ANGPTL1: variants seen among roughly 807,000 people sequenced by gnomAD.
ANGPTL1 encodes the protein angiopoietin like 1, also known as angiopoietin-related protein 1.
ANGPTL1 carries 36 observed loss-of-function variants against 46.7 expected under a neutral mutation model. The ratio of observed to expected loss-of-function variants is 0.77; its 90% CI spans 0.59 to 1.02. ANGPTL1 has a LOEUF of 1.02. ANGPTL1 is among the 50% of genes least tolerant of loss of function. ANGPTL1 has a pLI of 0.00. For missense variants in ANGPTL1, 571 were observed against 594.7 expected (o/e 0.96, Z 0.41); for synonymous variants, 221 against 204.3 (o/e 1.08, Z -0.69).
intron 3 of ANGPTL1, among the ~76,000 whole-genome samples, chr1:178,855,875 T>C (rs1657499419): frequency 6.6e-6 from 1 of 150,966 alleles, no homozygotes; most frequent in Admixed American, 6.6e-5. Context: ...TATCTGCCTA[T>C]TGAGATGATG....
intron 5 of ANGPTL1, among the ~76,000 whole-genome samples, chr1:178,852,420 G>C (rs1183242182): frequency 1.3e-5 from 2 of 152,148 alleles, no homozygotes; most frequent in Non-Finnish European, 2.9e-5. Context: ...GTAGGCACTT[G>C]CATTTTATTT....
At chr1:178,865,912 G>T (rs1658375562) in intron 2 of ANGPTL1, 110 bp from the exon 3 acceptor site, 4 of 615,204 alleles carry the variant, frequency 6.5e-6, no homozygotes, top group Non-Finnish European at 1.1e-5. Flanking sequence ...AATATTTATT[G>T]GTGTTAATAG....
In ANGPTL1 at chr1:178,850,898, G is replaced by A; in HGVS notation, c.*231C>T. On this transcript the variant is annotated 3_prime_UTR_variant, in exon 6 of 6. Coordinates refer to ENST00000234816, the MANE Select transcript of ANGPTL1 (RefSeq NM_004673.4). ...TTTTAGAAAACAAACTTTGTATTTA[G>A]TCAACATAATTTTTAAAATAACTAG... 1.1e-5 allele frequency: 4 copies of A among 367,686 alleles called. No homozygotes were observed. Among genetic ancestry groups the A allele is most frequent in the Non-Finnish European group, 1.9e-5 (4 of 208,292 alleles). The allele number at this position is 367,686 out of a possible 1,614,324, so 22.8% of individuals were successfully genotyped here.
At chr1:178,852,480 G>T (rs1481966116) in intron 5 of ANGPTL1, among the ~76,000 whole-genome samples, 1 of 152,018 alleles carries the variant, frequency 6.6e-6, no homozygotes, top group African/African-American at 2.4e-5. Context: ...CCAGAACTTT[G>T]TTTTTCACAT....
Position 178,852,753 on chromosome 1 carries a change from T to G in ANGPTL1, c.1218A>C (p.Ala406=). 6.2e-7 allele frequency: 1 copy of G among 1,613,962 alleles called. No homozygotes were observed. Among genetic ancestry groups the G allele is most frequent in the South Asian group, 1.1e-5 (1 of 91,080 alleles). Residue 406 remains alanine, a synonymous_variant, in exon 5 of 6, where the codon GCA becomes GCC. Transcript: ENST00000234816. ...CATTATGCCACATCATAGAATCCCC[T>G]GCATTTCCCTGGTAAGTTCCCAGGC... ...RLRLGTYQGN[A]GDSMMWHNGK...
chr1:178,854,070 A>C (rs1411887138), intron 3 of ANGPTL1, among the ~76,000 whole-genome samples: 1 of 152,102 alleles, frequency 6.6e-6, no homozygotes, highest in African/African-American at 2.4e-5. Context: ...TAACATTTTC[A>C]TGCAGCTATA....
chr1:178,856,394 ATTTTTTTTTTTTTTT>A (rs71108081), intron 3 of ANGPTL1, among the ~76,000 whole-genome samples: 8 of 36,432 alleles, frequency 2.2e-4, no homozygotes, highest in Admixed American at 6.3e-4. Context: ...TGCCTGGCTA[ATTTTTTTTTTTTTTT>A]TTTTTTTTTT....
rs1205170786 is a variant in ANGPTL1 at position 178,851,298 on chromosome 1, T to C, written c.1307A>G (p.His436Arg). Residue 436 changes from histidine to arginine, a missense_variant, in exon 6 of 6, where the codon CAT (histidine) becomes CGT (arginine). Coordinates refer to ENST00000234816, the MANE Select transcript of ANGPTL1 (RefSeq NM_004673.4). Reference protein sequence around the residue: ...DMYAGNCAHFHKGGWWYNACA... With the variant: ...DMYAGNCAHFRKGGWWYNACA... ...GGCATTGTACCACCAGCCTCCTTTA[T>C]GAAAGTGGGCGCAGTTTCCTTTGAG... 1 of 1,611,224 alleles carries C rather than the reference T, an allele frequency of 6.2e-7. No individual in the cohort carries two copies. The highest frequency in any genetic ancestry group is 8.5e-7 in the Non-Finnish European group (1 of 1,179,096).
intron 4 of ANGPTL1, 141 bp downstream of exon 4, chr1:178,853,453 T>C: frequency 1.3e-6 from 1 of 777,396 alleles, no homozygotes; most frequent in Non-Finnish European, 1.8e-6. Context: ...GAATCATTTT[T>C]TTGACAGATG....
In ANGPTL1 at chr1:178,851,327, A is replaced by G. The variant is rs1657160829; in HGVS notation, c.1289-11T>C. The G allele has an allele frequency of 6.2e-7, 1 of 1,600,100 alleles. No individual in the cohort carries two copies. The highest frequency in any genetic ancestry group is 1.7e-5 in the Admixed American group (1 of 57,754). On this transcript the variant is annotated splice_polypyrimidine_tract_variant and intron_variant, in intron 5 of 5. Coordinates refer to ENST00000234816, the MANE Select transcript of ANGPTL1 (RefSeq NM_004673.4). ...AGTGGGCGCAGTTTCCTTTGAGGAA[A>G]AAATACAGATATAAATGTAAAAGTT...
At chr1:178,852,982 A>T (rs766524285) in intron 4 of ANGPTL1, 29 bp from the exon 5 acceptor site, 1 of 1,581,006 alleles carries the variant, frequency 6.3e-7, no homozygotes, top group South Asian at 1.2e-5. Context: ...ACATGAGTGC[A>T]TAAATAAGTA....
intron 3 of ANGPTL1, among the ~76,000 whole-genome samples, chr1:178,856,234 T>TATATATATATACAC (rs1368301659): frequency 3.1e-5 from 4 of 128,784 alleles, no homozygotes; most frequent in African/African-American, 9.4e-5. Context: ...TATATATATA[T>TATATATATATACAC]GGTTTTGGGT....
intron 2 of ANGPTL1, among the ~76,000 whole-genome samples, chr1:178,867,854 CTT>C (rs1250787519): frequency 6.6e-6 from 1 of 151,786 alleles, no homozygotes; most frequent in Admixed American, 6.6e-5. Context: ...AAATATAACT[CTT>C]ATGCTGTCGT....
intron 2 of ANGPTL1, among the ~76,000 whole-genome samples, chr1:178,867,000 C>T (rs936731714): frequency 6.6e-6 from 1 of 152,082 alleles, no homozygotes; most frequent in Non-Finnish European, 1.5e-5. Flanking sequence ...TTACAGGCCA[C>T]CTTTTCACTC....
chr1:178,869,432 A>T (rs1305778253), intron 1 of ANGPTL1, among the ~76,000 whole-genome samples: 1 of 152,132 alleles, frequency 6.6e-6, no homozygotes, highest in Non-Finnish European at 1.5e-5. Flanking sequence ...TCCCCTGGAT[A>T]TATTTAAGAA....
chr1:178,853,644 T>G lies in ANGPTL1; in HGVS notation c.967A>C (p.Lys323Gln). ...LDPGGWTVIQKRTDGSVNFFR... is the reference protein window; with the variant it reads ...LDPGGWTVIQQRTDGSVNFFR... Reference sequence around the variant, plus strand: ...AAGTTGACAGAGCCGTCTGTTCTTTTCTGAATAACAGTCCAACCCCCAGGG... The same window carrying G: ...AAGTTGACAGAGCCGTCTGTTCTTTGCTGAATAACAGTCCAACCCCCAGGG... Residue 323 changes from lysine (K) to glutamine (Q), a missense_variant, in exon 4 of 6, where the codon AAA (lysine) becomes CAA (glutamine). Lys to Gln is a moderately conservative substitution (Grantham distance 53). Transcript: ENST00000234816. The G allele has an allele frequency of 6.2e-7, 1 of 1,611,376 alleles. No individual in the cohort carries two copies. The highest frequency in any genetic ancestry group is 8.5e-7 in the Non-Finnish European group (1 of 1,178,972).
intron 3 of ANGPTL1, among the ~76,000 whole-genome samples, chr1:178,862,634 G>A (rs540565738): frequency 4.0e-5 from 5 of 125,774 alleles, no homozygotes; most frequent in African/African-American, 1.6e-4. Context: ...TATTTATTTG[G>A]TTGGTTGGTT....
chr1:178,858,726 A>G (rs1167015151), intron 3 of ANGPTL1, among the ~76,000 whole-genome samples: 3 of 152,308 alleles, frequency 2.0e-5, no homozygotes, highest in South Asian at 2.1e-4. Context: ...ATTATTTCCC[A>G]AGGTGTATTT....
rs1242262166 is a variant in ANGPTL1, at chr1:178,870,743, T to C, written c.-139A>G. 1 of 152,148 alleles carries C rather than the reference T, an allele frequency of 6.6e-6. No individual in the cohort carries two copies. The highest frequency in any genetic ancestry group is 1.5e-5 in the Non-Finnish European group (1 of 68,022). 9.4% of individuals were successfully genotyped at this position (152,148 alleles called of 1,614,324 possible). A position where few individuals can be genotyped will look rare whatever the true frequency, so the allele number is the denominator to read the frequency against. On this transcript the variant is annotated splice_region_variant and 5_prime_UTR_variant, in exon 1 of 6. Coordinates refer to ENST00000234816, the MANE Select transcript of ANGPTL1 (RefSeq NM_004673.4). ...TAAATAAAAGAAATATTAAATACCTTTTTGTGTCTGTTGATTCAGTGAATC... is the reference window on the plus strand; with the variant it reads ...TAAATAAAAGAAATATTAAATACCTCTTTGTGTCTGTTGATTCAGTGAATC...
Sources: gnomAD v4.1 joint callset for allele counts (sites outside exome capture counted in the v4.1 genomes callset) on GRCh38, gnomAD v4.1.1 for gene constraint, MANE v1.5 for transcripts, NCBI Gene and HGNC (gene_info 2026-07-23, HGNC 2026-07-21) for gene names.